HBP1: variants seen among roughly 807,000 people sequenced by gnomAD.
HBP1 encodes the protein HMG box-containing protein 1.
HBP1 carries 20 observed loss-of-function variants against 62.6 expected under a neutral mutation model. The observed-to-expected ratio is 0.32, with a 90% CI of 0.22 to 0.46. HBP1 has a LOEUF of 0.46. HBP1 is among the 20% of genes least tolerant of loss of function. The pLI, the probability that HBP1 is intolerant of heterozygous loss-of-function variation, is 1.00. For synonymous variants in HBP1, 232 were observed against 206.2 expected (o/e 1.12, Z -1.07); for missense variants, 480 against 611.8 (o/e 0.78, Z 2.27).
intron 1 of HBP1, chr7:107,174,301 C>G (rs1396659058): frequency 4.3e-6 from 1 of 231,500 alleles, no homozygotes; most frequent in Non-Finnish European, 7.1e-6. Flanking sequence ...TCAGTTTTCT[C>G]AGGACCAAAC....
chr7:107,176,799 G>T (rs1267211168), intron 1 of HBP1, among the ~76,000 whole-genome samples: 1 of 150,444 alleles, frequency 6.6e-6, no homozygotes, highest in Non-Finnish European at 1.5e-5. Context: ...CTAGTCGCTA[G>T]TTCTGTGGGG....
At position 107,202,403 on chromosome 7, in the gene HBP1, T is replaced by A. The variant is rs1328433197; in HGVS notation, c.*972T>A. 1.3e-5 allele frequency: 2 copies of A among 152,636 alleles called. No individual in the cohort carries two copies. The highest frequency in any genetic ancestry group is 4.8e-5 in the African/African-American group (2 of 41,458). 9.5% of individuals were successfully genotyped at this position (152,636 alleles called of 1,614,324 possible). A position where few individuals can be genotyped will look rare whatever the true frequency, so the allele number is the denominator to read the frequency against. On this transcript the variant is annotated 3_prime_UTR_variant, in exon 11 of 11. Coordinates refer to ENST00000222574, the MANE Select transcript of HBP1 (RefSeq NM_012257.4). The stretch of plus-strand genomic sequence containing the variant: ...TTACTTACCAAGTGGTGTTTCTGGT[T>A]AGGAATCACAGCTGTAAAATTGATT...
rs192610488 is a variant in HBP1, at chr7:107,172,940, G to A, written c.-16+3755G>A. 2.3e-3 allele frequency among the ~76,000 whole-genome samples: 352 copies of A among 152,216 alleles called. 2 individuals carry two copies. The highest frequency in any genetic ancestry group is 2.7e-3 in the Non-Finnish European group (184 of 68,024). Reference sequence around the variant, plus strand: ...AAAACAGGTCCAAATAAGAAAACAGGCCTAGAGATTTAATTGTTCAGGGCC... The same window carrying A: ...AAAACAGGTCCAAATAAGAAAACAGACCTAGAGATTTAATTGTTCAGGGCC... On this transcript the variant is annotated intron_variant, in intron 1 of 10. Transcript: ENST00000222574.
chr7:107,196,246 G>T (rs900544334), intron 9 of HBP1, 95 bp downstream of exon 9: 2 of 817,086 alleles, frequency 2.4e-6, no homozygotes, highest in Non-Finnish European at 4.1e-6. Flanking sequence ...TTCTTTAATA[G>T]CTTTTATTCA....
chr7:107,169,998 A>G (rs1358200596), intron 1 of HBP1: 1 of 985,370 alleles, frequency 1.0e-6, no homozygotes, highest in Non-Finnish European at 1.2e-6. Context: ...CGAAGTGGAC[A>G]GCCAGGTTTT....
At chr7:107,184,550 G>A (rs1172123595) in intron 3 of HBP1, among the ~76,000 whole-genome samples, 1 of 151,980 alleles carries the variant, frequency 6.6e-6, no homozygotes, top group Non-Finnish European at 1.5e-5. Context: ...TTGCTCTGTC[G>A]CCCAGGCTCG....
At chr7:107,179,799 GTC>G (rs1797026295) in intron 1 of HBP1, 78 bp from the exon 2 acceptor site, 1 of 836,246 alleles carries the variant, frequency 1.2e-6, no homozygotes, top group African/African-American at 1.7e-5. Context: ...ACATTGTCAT[GTC>G]TCTGATTTAT....
At chr7:107,176,488 A>AT (rs544067900) in intron 1 of HBP1, among the ~76,000 whole-genome samples, 111 of 152,270 alleles carry the variant, frequency 7.3e-4, no homozygotes, top group African/African-American at 2.6e-3. Flanking sequence ...TAAATAAATG[A>AT]TTTTTTTAAT....
intron 9 of HBP1, among the ~76,000 whole-genome samples, chr7:107,198,325 T>G (rs578058605): frequency 2.7e-4 from 41 of 152,124 alleles, no homozygotes; most frequent in African/African-American, 9.4e-4. Flanking sequence ...TTCTCCTGCC[T>G]CAGCCTCTGA....
chr7:107,183,278 T>A (rs1473176236), intron 3 of HBP1, among the ~76,000 whole-genome samples: 2 of 152,202 alleles, frequency 1.3e-5, no homozygotes, highest in African/African-American at 4.8e-5. Flanking sequence ...TGCACACCTG[T>A]GAGTGGAAAA....
chr7:107,178,769 A>T (rs1796975234), intron 1 of HBP1, among the ~76,000 whole-genome samples: 1 of 152,230 alleles, frequency 6.6e-6, no homozygotes, highest in Non-Finnish European at 1.5e-5. Context: ...GCGGTGGCTC[A>T]TGCCTGTAAT....
intron 9 of HBP1, chr7:107,196,369 A>G (rs1294599201): frequency 1.8e-6 from 1 of 543,948 alleles, no homozygotes; most frequent in African/African-American, 1.9e-5. Context: ...TCCAGGTTCA[A>G]GTGATTATCC....
At chr7:107,175,716 C>CTT (rs1215594002) in intron 1 of HBP1, among the ~76,000 whole-genome samples, 28 of 136,492 alleles carry the variant, frequency 2.1e-4, no homozygotes, top group African/African-American at 4.0e-4. Context: ...TCCCTCTCTT[C>CTT]TTTTTTTTTT....
Position 107,169,141 on chromosome 7 carries a change from G to A in HBP1, c.-60G>A. ...TACGAGAGCTGCTGGTGGTGTTGTC[G>A]TGGCCGGAGCGGCCCGCGCCTGGGC... On this transcript the variant is annotated 5_prime_UTR_variant, in exon 1 of 11. It adds an upstream start codon to the 5' untranslated region. Transcript: ENST00000222574. 1 of 1,219,664 alleles carries A rather than the reference G, an allele frequency of 8.2e-7. No individual in the cohort carries two copies. The highest frequency in any genetic ancestry group is 1.1e-6 in the Non-Finnish European group (1 of 950,002). 75.6% of individuals were successfully genotyped at this position (1,219,664 alleles called of 1,614,324 possible). A position where few individuals can be genotyped will look rare whatever the true frequency, so the allele number is the denominator to read the frequency against.
chr7:107,198,427 C>G (rs998760005), intron 9 of HBP1, among the ~76,000 whole-genome samples: 10 of 152,090 alleles, frequency 6.6e-5, no homozygotes, highest in Admixed American at 2.0e-4. Context: ...CTAGGCTGGT[C>G]TCGAACTCCT....
intron 1 of HBP1, among the ~76,000 whole-genome samples, chr7:107,177,346 G>A (rs1796899823): frequency 6.6e-6 from 1 of 152,136 alleles, no homozygotes. Flanking sequence ...GTAGCAAATT[G>A]TATAGTCAGT....
intron 9 of HBP1, among the ~76,000 whole-genome samples, chr7:107,199,383 A>C (rs980941466): frequency 6.6e-6 from 1 of 152,236 alleles, no homozygotes; most frequent in Non-Finnish European, 1.5e-5. Context: ...CGTCCAGCCC[A>C]AAAATTGGTT....
chr7:107,179,804 T>C, intron 1 of HBP1, 75 bp from the exon 2 acceptor site: 1 of 881,258 alleles, frequency 1.1e-6, no homozygotes, highest in Admixed American at 2.2e-5. Context: ...GTCATGTCTC[T>C]GATTTATTTT....
At chr7:107,176,719 T>C (rs995833377) in intron 1 of HBP1, among the ~76,000 whole-genome samples, 2 of 139,962 alleles carry the variant, frequency 1.4e-5, no homozygotes, top group Non-Finnish European at 3.0e-5. Flanking sequence ...TTTTTTTTTT[T>C]CAGGGAGAGA....
Sources: allele counts gnomAD v4.1 joint callset (sites outside exome capture counted in the v4.1 genomes callset), GRCh38; gene constraint gnomAD v4.1.1; transcripts MANE v1.5; gene names NCBI Gene and HGNC (gene_info 2026-07-23, HGNC 2026-07-21).